The following SCAP variants were observed in gnomAD, a reference collection of about 807,000 sequenced individuals.
The protein encoded by SCAP is SREBF chaperone.
In SCAP, 65 loss-of-function variants were observed where a neutral mutation model predicts 123.6. The observed-to-expected ratio is 0.53, with a 90% CI of 0.43 to 0.65. The LOEUF is 0.65. Among genes scored for constraint, SCAP ranks in the 30% least tolerant of loss-of-function variants. The pLI is 0.00. For synonymous variants in SCAP, 740 were observed against 726.3 expected (o/e 1.02, Z -0.30); for missense variants, 1,398 against 1,712.5 (o/e 0.82, Z 3.24).
rs748149812 is a variant in SCAP at position 47,420,805 on chromosome 3, C to T, written c.1345-33G>A. 6.2e-7 allele frequency: 1 copy of T among 1,603,662 alleles called. No homozygotes were observed. The highest frequency in any genetic ancestry group is 1.1e-5 in the South Asian group (1 of 90,626). ...GGGCACAGTGGTCAGGGCCTGAGTC[C>T]ACCATCCAGAGGCTGCTCGCACAGG... is the stretch of plus-strand genomic sequence containing the variant. On this transcript the variant is annotated intron_variant, in intron 11 of 22. Transcript: ENST00000265565. The surrounding 1 kb of genome is among the most constrained non-coding windows in gnomAD (Gnocchi z 5.0).
chr3:47,452,766 C>T (rs1307452466), intron 1 of SCAP, among the ~76,000 whole-genome samples: 1 of 152,078 alleles, frequency 6.6e-6, no homozygotes, highest in Non-Finnish European at 1.5e-5. Flanking sequence ...CTCTATGGTG[C>T]CCACATCTTG....
Position 47,425,564 on chromosome 3 carries a change from C to T in SCAP, c.958G>A (p.Val320Met). The T allele has an allele frequency of 6.2e-7, 1 of 1,614,138 alleles. No individual in the cohort carries two copies. Among genetic ancestry groups the T allele is most frequent in the Non-Finnish European group, 8.5e-7 (1 of 1,180,046 alleles). Residue 320 changes from valine (V) to methionine (M), a missense_variant, in exon 8 of 23, where the codon GTG becomes ATG. Around this residue, in one of 7 missense-constraint regions of SCAP, gnomAD observed 319 missense variants for 432.4 expected, o/e 0.74. Coordinates refer to ENST00000265565, the MANE Select transcript of SCAP (RefSeq NM_012235.4). ...AGCAGCGAGCTGAGCACTGTGACCA[C>T]GGCAGCCAGGGCCAGCCCCCACTTG... ...KSKWGLALAA[V>M]VTVLSSLLMS...
In SCAP at chr3:47,420,223, G is replaced by A. The variant is rs375402116; in HGVS notation, c.1563+331C>T. The stretch of plus-strand genomic sequence containing the variant: ...AGTGTCTGCACACCATGCAGCGGCC[G>A]ATGAACCCGACCCAGGGCAATGTGG... On this transcript the variant is annotated intron_variant, in intron 12 of 22. Coordinates refer to ENST00000265565, the MANE Select transcript of SCAP (RefSeq NM_012235.4). The surrounding 1 kb of genome is among the most constrained non-coding windows in gnomAD (Gnocchi z 5.0). Among the ~76,000 whole-genome samples, 2 of 152,308 alleles carry A rather than the reference G, an allele frequency of 1.3e-5. No individual in the cohort carries two copies. Among genetic ancestry groups the A allele is most frequent in the African/African-American group, 4.8e-5 (2 of 41,570 alleles).
rs2107783246 is a variant in SCAP, at chr3:47,419,746, C to T, written c.1564-42G>A. ...GGTACTCAGTGGGAGGAATGGGCCC[C>T]AACCCCCAGCAGCTTCAGCCCTCAT... On this transcript the variant is annotated intron_variant, in intron 12 of 22. Transcript: ENST00000265565. The surrounding 1 kb of genome is among the most constrained non-coding windows in gnomAD (Gnocchi z 5.0). 6.6e-7 allele frequency: 1 copy of T among 1,507,192 alleles called. No homozygotes were observed. The highest frequency in any genetic ancestry group is 8.9e-7 in the Non-Finnish European group (1 of 1,128,626). The allele number at this position is 1,507,192 out of a possible 1,614,324, so 93.4% of individuals were successfully genotyped here.
At chr3:47,426,756 G>T (rs934905406) in intron 6 of SCAP, among the ~76,000 whole-genome samples, 9 of 152,232 alleles carry the variant, frequency 5.9e-5, no homozygotes, top group Admixed American at 5.9e-4. Context: ...TTGATTGCCA[G>T]AGGCCTAGGA....
intron 3 of SCAP, among the ~76,000 whole-genome samples, chr3:47,430,294 A>T (rs1240523679): frequency 1.3e-5 from 2 of 152,100 alleles, no homozygotes; most frequent in Non-Finnish European, 2.9e-5. Flanking sequence ...TACTTTTCTC[A>T]CTAGAATCTG....
intron 2 of SCAP, 148 bp downstream of exon 2, chr3:47,442,724 T>C: frequency 1.5e-6 from 1 of 673,654 alleles, no homozygotes; most frequent in Non-Finnish European, 2.5e-6. Context: ...AGGCCAGGAC[T>C]AGAGTTCTCC....
intron 3 of SCAP, among the ~76,000 whole-genome samples, chr3:47,433,445 A>G (rs1374816891): frequency 6.6e-6 from 1 of 152,222 alleles, no homozygotes; most frequent in Admixed American, 6.5e-5. Context: ...CCCATCATTC[A>G]AAGAGCTCAC....
chr3:47,465,930 C>T (rs191685713), intron 1 of SCAP, among the ~76,000 whole-genome samples: 1 of 151,286 alleles, frequency 6.6e-6, no homozygotes, highest in South Asian at 2.1e-4. Flanking sequence ...GTCAAGAGAT[C>T]GAGACCATCT....
chr3:47,466,479 C>T (rs1172394013), intron 1 of SCAP, among the ~76,000 whole-genome samples: 2 of 152,062 alleles, frequency 1.3e-5, no homozygotes, highest in Non-Finnish European at 2.9e-5. Context: ...GAAAAAAGAA[C>T]CCAAAAATAA....
At chr3:47,452,717 G>T (rs542302046) in intron 1 of SCAP, among the ~76,000 whole-genome samples, 78 of 152,252 alleles carry the variant, frequency 5.1e-4, no homozygotes, top group Non-Finnish European at 9.4e-4. Flanking sequence ...GAGAAACACT[G>T]CCCTACCAAA....
chr3:47,445,557 T>C (rs1224759041), intron 1 of SCAP, among the ~76,000 whole-genome samples: 4 of 151,108 alleles, frequency 2.6e-5, no homozygotes, highest in African/African-American at 7.3e-5. Flanking sequence ...ATTATTCTTG[T>C]TTACTTGGTC....
At chr3:47,446,632 G>A (rs1428848192) in intron 1 of SCAP, among the ~76,000 whole-genome samples, 8 of 151,988 alleles carry the variant, frequency 5.3e-5, no homozygotes, top group Non-Finnish European at 1.2e-4. Flanking sequence ...AAAATTTGTA[G>A]TTTCACATTT....
At chr3:47,431,208 G>C (rs955994452) in intron 3 of SCAP, among the ~76,000 whole-genome samples, 6 of 4,644 alleles carry the variant, frequency 1.3e-3, no homozygotes, top group African/African-American at 1.8e-3. Flanking sequence ...GCACTAACCT[G>C]GTAAGGAAGA....
chr3:47,417,485 G>A lies in SCAP; in HGVS notation c.2789C>T (p.Thr930Ile). ...AGGCGAGGGTGGGCGCAGGGCTGGT[G>A]TGCAGACGGCCGCCAGCCCCTCCTC... ...YQEEGLAAVC[T>I]PALRPPSPGP... The change falls in exon 17 of 23, where the codon ACA (threonine) becomes ATA (isoleucine). Residue 930 changes from threonine to isoleucine, a missense_variant. By Grantham distance (89) the Thr-to-Ile change is moderately conservative. Around this residue, in one of 7 missense-constraint regions of SCAP, gnomAD observed 828 missense variants for 882.5 expected, o/e 0.94. Coordinates refer to ENST00000265565, the MANE Select transcript of SCAP (RefSeq NM_012235.4). The A allele has an allele frequency of 6.4e-7, 1 of 1,550,974 alleles. No homozygotes were observed. The highest frequency in any genetic ancestry group is 1.2e-5 in the South Asian group (1 of 84,216).
At chr3:47,436,463 T>G (rs1706582683) in intron 2 of SCAP, among the ~76,000 whole-genome samples, 1 of 151,974 alleles carries the variant, frequency 6.6e-6, no homozygotes. Context: ...TGAAACCCCA[T>G]CTCTACCAAA....
intron 10 of SCAP, chr3:47,421,278 C>G: frequency 2.0e-6 from 1 of 502,842 alleles, no homozygotes; most frequent in Non-Finnish European, 3.6e-6. Flanking sequence ...GAAGTACCTT[C>G]CCTGAATCTT....
chr3:47,417,963 G>GAGAA (rs1705695877), intron 16 of SCAP, 137 bp from the exon 17 acceptor site: 3 of 408,006 alleles, frequency 7.4e-6, no homozygotes, highest in East Asian at 4.8e-5. Flanking sequence ...GGTGCGGGGT[G>GAGAA]GGGAGAGGGG....
chr3:47,470,728 G>A (rs1262853331), intron 1 of SCAP, among the ~76,000 whole-genome samples: 1 of 152,164 alleles, frequency 6.6e-6, no homozygotes, highest in Non-Finnish European at 1.5e-5. Flanking sequence ...AGGTGTGGTG[G>A]CAGGTGCCTG....
Sources: allele counts gnomAD v4.1 joint callset (sites outside exome capture counted in the v4.1 genomes callset), GRCh38; gene constraint gnomAD v4.1.1; regional missense constraint gnomAD v4.1.1; non-coding constraint Gnocchi (gnomAD v3.1); transcripts MANE v1.5; gene names NCBI Gene and HGNC (gene_info 2026-07-23, HGNC 2026-07-21).